PRKCB: variants seen among roughly 807,000 people sequenced by gnomAD.
PRKCB encodes the protein protein kinase C beta.
Under a neutral mutation model 81.5 loss-of-function variants are expected in PRKCB, and 13 were observed. The ratio of observed to expected loss-of-function variants is 0.16; its 90% confidence interval spans 0.10 to 0.25. The LOEUF is 0.25. Ranked by LOEUF, PRKCB falls within the 10% of genes least tolerant of loss-of-function variation. The probability of loss-of-function intolerance (pLI) is 1.00; values close to 1 mark genes in which losing one functional copy is unlikely to be tolerated. For synonymous variants in PRKCB, 335 were observed against 321.4 expected (o/e 1.04, Z -0.45); for missense variants, 509 against 875.7 (o/e 0.58, Z 5.29).
At position 23,847,694 on chromosome 16, in the gene PRKCB, G is replaced by A. The variant is rs564995673; in HGVS notation, c.205+10288G>A. ...AACAGTGAACAGAACAGCATCGCTG[G>A]CTTCATGGAATTTACATTCTAGTAG... On this transcript the variant is annotated intron_variant, in intron 2 of 16. Transcript: ENST00000643927. 2.0e-5 allele frequency among the ~76,000 whole-genome samples: 3 copies of A among 152,272 alleles called. No homozygotes were observed. In the South Asian group the frequency reaches 6.2e-4, roughly 32 times the overall value.
chr16:23,870,164 CA>C (rs1962881027), intron 2 of PRKCB, among the ~76,000 whole-genome samples: 1 of 152,144 alleles, frequency 6.6e-6, no homozygotes, highest in African/African-American at 2.4e-5. Flanking sequence ...TCAAAACATA[CA>C]AGCACCAAAC....
chr16:23,858,335 C>T (rs903951258), intron 2 of PRKCB, among the ~76,000 whole-genome samples: 3 of 151,844 alleles, frequency 2.0e-5, no homozygotes, highest in Non-Finnish European at 4.4e-5. Context: ...AGGTGAAGGG[C>T]TCCGGGGGTC....
chr16:23,883,060 C>T (rs544767324), intron 2 of PRKCB, among the ~76,000 whole-genome samples: 1 of 152,246 alleles, frequency 6.6e-6, no homozygotes, highest in African/African-American at 2.4e-5. Context: ...GTTCCAGTCA[C>T]TGAACAAGGC....
At chr16:24,172,458 C>T in intron 11 of PRKCB, 97 bp downstream of exon 11, 1 of 910,820 alleles carries the variant, frequency 1.1e-6, no homozygotes, top group Non-Finnish European at 1.7e-6. Context: ...GATCTTTAAA[C>T]ACCTCGGGCA....
chr16:23,875,504 T>TATATA (rs1962983747), intron 2 of PRKCB, among the ~76,000 whole-genome samples: 1 of 34,720 alleles, frequency 2.9e-5, no homozygotes, highest in African/African-American at 1.9e-4. Flanking sequence ...TATATATATA[T>TATATA]ATGATGTATA....
intron 5 of PRKCB, among the ~76,000 whole-genome samples, chr16:24,087,829 A>G (rs1378656325): frequency 1.3e-5 from 2 of 152,198 alleles, no homozygotes; most frequent in African/African-American, 4.8e-5. Context: ...ACCAGAATGC[A>G]GAGGCCTCGC....
chr16:24,028,020 C>T (rs72779946), intron 3 of PRKCB, among the ~76,000 whole-genome samples: 7,321 of 152,302 alleles, frequency 0.048, 264 homozygotes, highest in Non-Finnish European at 0.073. Context: ...AAGCAGTCCT[C>T]CCGCCTTGGC....
intron 3 of PRKCB, among the ~76,000 whole-genome samples, chr16:24,024,161 T>C (rs765266740): frequency 8.5e-5 from 13 of 152,196 alleles, no homozygotes; most frequent in Admixed American, 2.6e-4. Context: ...TGTCATTTGC[T>C]ACAATGTGGA....
intron 2 of PRKCB, among the ~76,000 whole-genome samples, chr16:23,968,441 A>T (rs1964515700): frequency 6.6e-6 from 1 of 152,148 alleles, no homozygotes; most frequent in Admixed American, 6.6e-5. Flanking sequence ...GCCTATTGAG[A>T]GCTGGGGCTA....
At chr16:24,055,430 C>T (rs1378888562) in intron 5 of PRKCB, among the ~76,000 whole-genome samples, 2 of 152,212 alleles carry the variant, frequency 1.3e-5, no homozygotes, top group African/African-American at 2.4e-5. Flanking sequence ...GAGCTGCATG[C>T]GGCAGCCACG....
intron 11 of PRKCB, among the ~76,000 whole-genome samples, chr16:24,173,276 C>A (rs572993251): frequency 1.3e-5 from 2 of 152,150 alleles, no homozygotes; most frequent in Non-Finnish European, 2.9e-5. Flanking sequence ...TTTTAGAACA[C>A]AGATTTCATC....
In PRKCB at chr16:23,869,026, TG is replaced by T. The variant is rs1597217964; in HGVS notation, c.205+31621del. 6 of 429,652 alleles carry T rather than the reference TG, an allele frequency of 1.4e-5. No individual in the cohort carries two copies. In the East Asian group the frequency reaches 4.4e-4, roughly 32 times the overall value. The allele number at this position is 429,652 out of a possible 1,614,324, so 26.6% of individuals were successfully genotyped here. On this transcript the variant is annotated intron_variant, in intron 2 of 16. Transcript: ENST00000643927. ...CTTGCCCAGGGTCCCTGTGGTGGAT[TG>T]TGTTGTTGTCTCAATTATTTGCTCC...
At chr16:24,052,530 TA>T (rs983624949) in intron 5 of PRKCB, among the ~76,000 whole-genome samples, 2 of 152,154 alleles carry the variant, frequency 1.3e-5, no homozygotes, top group East Asian at 1.9e-4. Context: ...GATTATATGC[TA>T]AAAAAGGGGT....
Position 24,112,987 on chromosome 16 carries a change from G to A in PRKCB, c.836G>A (p.Ser279Asn), listed in dbSNP as rs1276462315. ...TCTCCCTTCAGGTTTAAGTTACTGA[G>A]CCAGGAGGAAGGCGAGTACTTCAAT... The part of the protein sequence containing the change: ...ASVDGWFKLL[S>N]QEEGEYFNVP... Residue 279 changes from serine to asparagine, a missense_variant, in exon 8 of 17, where the codon AGC becomes AAC. Transcript: ENST00000643927. The A allele has an allele frequency of 1.2e-6, 2 of 1,610,696 alleles. No individual in the cohort carries two copies. Among genetic ancestry groups the A allele is most frequent in the Non-Finnish European group, 1.7e-6 (2 of 1,178,134 alleles).
intron 2 of PRKCB, among the ~76,000 whole-genome samples, chr16:23,951,136 G>C (rs1964276048): frequency 6.6e-6 from 1 of 152,204 alleles, no homozygotes; most frequent in African/African-American, 2.4e-5. Context: ...CTGAGTGACT[G>C]TCATGTGCAA....
At chr16:23,962,521 C>G (rs1367862653) in intron 2 of PRKCB, among the ~76,000 whole-genome samples, 5 of 152,198 alleles carry the variant, frequency 3.3e-5, no homozygotes, top group African/African-American at 1.2e-4. Flanking sequence ...ACCTGGTCAC[C>G]CATCTCTGCC....
In PRKCB at chr16:24,219,730, T is replaced by G; in HGVS notation, c.*4914T>G. ...ACTTTATGGCAATTCTTAACTGACA[T>G]TCAATGACTTACTTCTTTTCTTAGA... On this transcript the variant is annotated 3_prime_UTR_variant, in exon 17 of 17. Coordinates refer to ENST00000643927, the MANE Select transcript of PRKCB (RefSeq NM_002738.7). 8 of 1,295,570 alleles carry G rather than the reference T, an allele frequency of 6.2e-6. No individual in the cohort carries two copies. Among genetic ancestry groups the G allele is most frequent in the East Asian group, 3.5e-5 (1 of 28,284 alleles). 80.3% of individuals were successfully genotyped at this position (1,295,570 alleles called of 1,614,324 possible).
At chr16:24,136,866 T>C (rs1019400142) in intron 9 of PRKCB, among the ~76,000 whole-genome samples, 2 of 152,016 alleles carry the variant, frequency 1.3e-5, no homozygotes, top group Admixed American at 6.5e-5. Flanking sequence ...TTTATTTTAA[T>C]TTTTTTATTT....
chr16:23,928,626 C>T (rs12446563), intron 2 of PRKCB, among the ~76,000 whole-genome samples: 52,718 of 151,598 alleles, frequency 0.35, 9,645 homozygotes, highest in South Asian at 0.52. Context: ...GGACAGTGGG[C>T]GATATGAGCT....
Sources: allele counts gnomAD v4.1 joint callset (sites outside exome capture counted in the v4.1 genomes callset), GRCh38; gene constraint gnomAD v4.1.1; transcripts MANE v1.5; gene names NCBI Gene and HGNC (gene_info 2026-07-23, HGNC 2026-07-21).